KALRN: variants seen among roughly 807,000 people sequenced by gnomAD.
The protein encoded by KALRN is kalirin RhoGEF kinase, also known as kalirin.
Under a neutral mutation model 353.7 loss-of-function variants are expected in KALRN, and 70 were observed. The observed-to-expected ratio is 0.20, with a 90% CI of 0.16 to 0.24. KALRN has a LOEUF of 0.24. KALRN is among the 10% of genes least tolerant of loss of function. The probability of loss-of-function intolerance (pLI) is 1.00; values close to 1 mark genes in which losing one functional copy is unlikely to be tolerated. For synonymous variants in KALRN, 1,391 were observed against 1,434.8 expected (o/e 0.97, Z 0.69); for missense variants, 2,791 against 3,756.7 (o/e 0.74, Z 6.72).
At chr3:124,686,708 C>T (rs73195580) in intron 51 of KALRN, among the ~76,000 whole-genome samples, 6 of 151,342 alleles carry the variant, frequency 4.0e-5, no homozygotes, top group Non-Finnish European at 8.8e-5. Flanking sequence ...GATCCATGGA[C>T]TCCAAGGAAC....
intron 1 of KALRN, among the ~76,000 whole-genome samples, chr3:124,118,396 A>G (rs989173926): frequency 6.6e-6 from 1 of 152,040 alleles, no homozygotes; most frequent in Non-Finnish European, 1.5e-5. Context: ...GGGAAGTTTT[A>G]GCAACTTAGT....
At chr3:124,500,123 A>G (rs543298355) in intron 33 of KALRN, among the ~76,000 whole-genome samples, 49 of 152,382 alleles carry the variant, frequency 3.2e-4, no homozygotes, top group African/African-American at 1.2e-3. Context: ...TGCCATGTTT[A>G]GCATATGTGT....
chr3:124,276,385 C>T (rs2074723971), intron 5 of KALRN, among the ~76,000 whole-genome samples: 1 of 152,144 alleles, frequency 6.6e-6, no homozygotes. Context: ...TTCCTGTCCT[C>T]TCCCTCCAAG....
At position 124,341,061 on chromosome 3, in the gene KALRN, T is replaced by C. The variant is rs552051866; in HGVS notation, c.1648-6082T>C. On this transcript the variant is annotated intron_variant, in intron 9 of 59. Coordinates refer to ENST00000682506, the MANE Select transcript of KALRN (RefSeq NM_001388419.1). ...GCATTGCATCTTGATTGTATGCTGGTTGGAATAAACACAATTAGATGAGGA... is the reference window on the plus strand; with the variant it reads ...GCATTGCATCTTGATTGTATGCTGGCTGGAATAAACACAATTAGATGAGGA... Among the ~76,000 whole-genome samples, 6 of 152,316 alleles carry C rather than the reference T, an allele frequency of 3.9e-5. No homozygotes were observed. The South Asian group carries it at 6.2e-4, about 16-fold the overall frequency.
intron 37 of KALRN, among the ~76,000 whole-genome samples, chr3:124,646,211 T>G (rs2082697122): frequency 6.6e-6 from 1 of 152,052 alleles, no homozygotes; most frequent in Non-Finnish European, 1.5e-5. Flanking sequence ...TTTAATAAAT[T>G]CTTGGAGTCC....
intron 5 of KALRN, among the ~76,000 whole-genome samples, chr3:124,297,710 A>G (rs2149204731): frequency 6.6e-6 from 1 of 152,346 alleles, no homozygotes; most frequent in East Asian, 1.9e-4. Context: ...TCCAACTTAA[A>G]CTGGCTTTAA....
At chr3:124,066,625 A>G (rs1455778992) in intron 1 of KALRN, among the ~76,000 whole-genome samples, 1 of 152,292 alleles carries the variant, frequency 6.6e-6, no homozygotes, top group South Asian at 2.1e-4. Flanking sequence ...ACCCATGACA[A>G]TGTCGGGAAT....
At chr3:124,527,610 A>G (rs2067700506) in intron 33 of KALRN, among the ~76,000 whole-genome samples, 1 of 151,976 alleles carries the variant, frequency 6.6e-6, no homozygotes. Context: ...TAAAAAAAAA[A>G]AAAGAAGAAG....
intron 37 of KALRN, among the ~76,000 whole-genome samples, chr3:124,642,806 G>GT (rs71145471): frequency 0.019 from 1,797 of 96,810 alleles, 79 homozygotes; most frequent in African/African-American, 0.066. Flanking sequence ...CCCAAGCCTC[G>GT]TTTTTTTTTT....
intron 10 of KALRN, among the ~76,000 whole-genome samples, chr3:124,365,888 G>T (rs1264648373): frequency 1.3e-5 from 2 of 152,220 alleles, no homozygotes; most frequent in Non-Finnish European, 2.9e-5. Context: ...CTCTAGGGGT[G>T]TGATCAGAGC....
chr3:124,530,478 ACCT>A (rs1261526347), intron 33 of KALRN, among the ~76,000 whole-genome samples: 1 of 152,006 alleles, frequency 6.6e-6, no homozygotes, highest in East Asian at 1.9e-4. Flanking sequence ...TGCAGCCTTG[ACCT>A]CCTGGGCTGA....
At chr3:124,244,344 C>T in intron 3 of KALRN, among the ~76,000 whole-genome samples, 1 of 152,040 alleles carries the variant, frequency 6.6e-6, no homozygotes. Context: ...TTCAAGCGAT[C>T]CTCTTGCCTC....
chr3:124,158,338 G>A (rs548692114), intron 1 of KALRN, among the ~76,000 whole-genome samples: 6 of 152,292 alleles, frequency 3.9e-5, no homozygotes, highest in South Asian at 4.1e-4. Context: ...CTGAGGAGAT[G>A]ATAATTGCTT....
chr3:124,101,954 C>T (rs541390191), intron 1 of KALRN, among the ~76,000 whole-genome samples: 2 of 152,172 alleles, frequency 1.3e-5, no homozygotes, highest in South Asian at 2.1e-4. Flanking sequence ...TTTGTGCCAA[C>T]CTTTATGACT....
intron 34 of KALRN, among the ~76,000 whole-genome samples, chr3:124,565,043 G>A (rs1466842214): frequency 1.3e-5 from 2 of 152,220 alleles, no homozygotes; most frequent in Non-Finnish European, 2.9e-5. Flanking sequence ...ATGGTTAACT[G>A]TGAACTCAGA....
intron 19 of KALRN, among the ~76,000 whole-genome samples, chr3:124,442,952 C>T (rs1251134876): frequency 2.0e-5 from 3 of 151,706 alleles, no homozygotes; most frequent in Non-Finnish European, 4.4e-5. Context: ...CATTGTACTC[C>T]AGCCTGGGCA....
chr3:124,487,167 G>A (rs373157283), intron 28 of KALRN, among the ~76,000 whole-genome samples: 5 of 152,098 alleles, frequency 3.3e-5, no homozygotes, highest in Admixed American at 6.5e-5. Context: ...AGTGTCAAAG[G>A]GAGCAAGATA....
At chr3:124,318,910 G>T (rs1290890060) in intron 6 of KALRN, among the ~76,000 whole-genome samples, 1 of 152,074 alleles carries the variant, frequency 6.6e-6, no homozygotes, top group African/African-American at 2.4e-5. Context: ...CAATGGCTGG[G>T]TTCCTTTTTT....
rs758392152 is a variant in KALRN, at chr3:124,657,746, G to A, written c.5979G>A (p.Ala1993=). The A allele has an allele frequency of 2.5e-5, 41 of 1,613,026 alleles. No individual in the cohort carries two copies. Among genetic ancestry groups the A allele is most frequent in the Middle Eastern group, 1.6e-4 (1 of 6,078 alleles). ...IYDWHKDFFL[A]ELEKCIQEQD... ...TTTCTCCTTTTAGTTTTTTCCTGGC[G>A]GAACTGGAAAAGTGTATCCAGGAGC... The change falls in exon 41 of 60, where the codon GCG becomes GCA. Residue 1993 remains alanine (A), a synonymous_variant. Transcript: ENST00000682506.
Sources: gnomAD v4.1 joint callset for allele counts (sites outside exome capture counted in the v4.1 genomes callset) on GRCh38, gnomAD v4.1.1 for gene constraint, MANE v1.5 for transcripts, NCBI Gene and HGNC (gene_info 2026-07-23, HGNC 2026-07-21) for gene names.